Variants in ATRNL1 observed in about 807,000 individuals in gnomAD.
ATRNL1 encodes the protein attractin like 1, also known as attractin-like protein 1.
In ATRNL1, 95 loss-of-function variants were observed where a neutral mutation model predicts 182.7. That is an observed-to-expected ratio of 0.52 (90% CI 0.44 to 0.62). The LOEUF is 0.62. Among genes scored for constraint, ATRNL1 ranks in the 20% least tolerant of loss-of-function variants. ATRNL1 has a pLI of 0.00. For synonymous variants in ATRNL1, 576 were observed against 568.3 expected, an observed-to-expected ratio of 1.01 and a Z score of -0.19; for missense variants, 1,471 against 1,679.5, an observed-to-expected ratio of 0.88 and a Z score of 2.17.
intron 19 of ATRNL1, among the ~76,000 whole-genome samples, chr10:115,371,462 G>T (rs1857391235): frequency 6.6e-6 from 1 of 152,236 alleles, no homozygotes; most frequent in South Asian, 2.1e-4. Context: ...CACACCTCTT[G>T]CATCAGCGTA....
intron 27 of ATRNL1, among the ~76,000 whole-genome samples, chr10:115,821,059 C>T (rs1950283649): frequency 6.6e-6 from 1 of 152,026 alleles, no homozygotes; most frequent in South Asian, 2.1e-4. Context: ...ATGCCTTTGC[C>T]TCTCTCTCAC....
intron 26 of ATRNL1, among the ~76,000 whole-genome samples, chr10:115,702,123 A>G (rs1190461428): frequency 2.6e-5 from 4 of 152,108 alleles, no homozygotes; most frequent in African/African-American, 9.6e-5. Flanking sequence ...ACATATGCAA[A>G]TAAATAAATG....
At chr10:115,304,616 G>C (rs1394071847) in intron 17 of ATRNL1, among the ~76,000 whole-genome samples, 1 of 152,218 alleles carries the variant, frequency 6.6e-6, no homozygotes, top group Non-Finnish European at 1.5e-5. Context: ...AGAGGCTGGA[G>C]GAGGGGGTGT....
At chr10:115,776,380 T>C (rs1949126251) in intron 27 of ATRNL1, among the ~76,000 whole-genome samples, 1 of 152,172 alleles carries the variant, frequency 6.6e-6, no homozygotes, top group African/African-American at 2.4e-5. Context: ...TTCATAATAA[T>C]GTACAGTTGC....
intron 28 of ATRNL1, among the ~76,000 whole-genome samples, chr10:115,884,625 T>A (rs972831453): frequency 2.0e-5 from 3 of 152,200 alleles, no homozygotes; most frequent in African/African-American, 7.2e-5. Flanking sequence ...CAAAAAATTC[T>A]GCCACCTGGA....
At chr10:115,218,671 C>T (rs1028468358) in intron 9 of ATRNL1, among the ~76,000 whole-genome samples, 9 of 152,162 alleles carry the variant, frequency 5.9e-5, no homozygotes, top group Non-Finnish European at 1.2e-4. Flanking sequence ...GTTTACTTGT[C>T]GCCCCCATAA....
chr10:115,300,803 C>G (rs1258030596), intron 16 of ATRNL1, among the ~76,000 whole-genome samples: 4 of 152,116 alleles, frequency 2.6e-5, no homozygotes, highest in Non-Finnish European at 2.9e-5. Flanking sequence ...TACTTTGACA[C>G]TGTTGTGCAA....
At chr10:115,174,176 A>G (rs1212996111) in intron 8 of ATRNL1, among the ~76,000 whole-genome samples, 3 of 151,414 alleles carry the variant, frequency 2.0e-5, no homozygotes, top group Admixed American at 6.6e-5. Flanking sequence ...TTGTACGTTC[A>G]TACCTAATCT....
intron 28 of ATRNL1, among the ~76,000 whole-genome samples, chr10:115,871,473 G>GCA (rs1951582187): frequency 1.3e-4 from 2 of 15,022 alleles, no homozygotes; most frequent in African/African-American, 2.9e-4. Context: ...GATTCTTTGT[G>GCA]TGTGTGTATA....
In ATRNL1 at chr10:115,723,515, GTAGA is replaced by G. The variant is rs1224680551; in HGVS notation, c.3796-3730_3796-3727del. Among the ~76,000 whole-genome samples the G allele has an allele frequency of 1.6e-4, 21 of 130,544 alleles. No homozygotes were observed. In the Admixed American group the frequency reaches 1.8e-3, roughly 11 times the overall value. 85.6% of individuals were successfully genotyped at this position (130,544 alleles called of 152,430 possible). ...CTCTACCTGGTTGTCAAATTTAAGC[GTAGA>G]TATTCTTTTCTTTTGTATTTATTTA... On this transcript the variant is annotated intron_variant, in intron 26 of 28. Coordinates refer to ENST00000355044, the MANE Select transcript of ATRNL1 (RefSeq NM_207303.4).
At chr10:115,459,263 C>G (rs1279380887) in intron 21 of ATRNL1, among the ~76,000 whole-genome samples, 2 of 152,154 alleles carry the variant, frequency 1.3e-5, no homozygotes, top group African/African-American at 4.8e-5. Flanking sequence ...AACAGAATAA[C>G]AGCAATTGTT....
chr10:115,847,816 G>C (rs1950964078), intron 27 of ATRNL1, 61 bp from the exon 28 acceptor site: 1 of 876,982 alleles, frequency 1.1e-6, no homozygotes, highest in Non-Finnish European at 1.9e-6. Context: ...TAGATAAGGT[G>C]AAAATTAAAA....
chr10:115,301,811 A>C, intron 16 of ATRNL1, 44 bp from the exon 17 acceptor site: 2 of 1,488,556 alleles, frequency 1.3e-6, no homozygotes, highest in Non-Finnish European at 1.8e-6. Flanking sequence ...TTGTGTTAAC[A>C]TGAAGTTAAA....
intron 25 of ATRNL1, among the ~76,000 whole-genome samples, chr10:115,538,139 T>C (rs1210016627): frequency 1.3e-5 from 2 of 152,242 alleles, no homozygotes; most frequent in Non-Finnish European, 2.9e-5. Context: ...TTGGTACTTA[T>C]AAATAATGCT....
intron 24 of ATRNL1, among the ~76,000 whole-genome samples, chr10:115,501,216 G>T (rs1002011410): frequency 6.6e-6 from 1 of 152,130 alleles, no homozygotes; most frequent in Non-Finnish European, 1.5e-5. Context: ...TTACAGGCGT[G>T]AGCCACTGCG....
intron 25 of ATRNL1, among the ~76,000 whole-genome samples, chr10:115,533,346 G>A (rs1382331514): frequency 4.6e-5 from 7 of 152,012 alleles, no homozygotes; most frequent in Non-Finnish European, 8.8e-5. Flanking sequence ...TGTATGTATC[G>A]AGGAATTTAT....
intron 26 of ATRNL1, among the ~76,000 whole-genome samples, chr10:115,714,294 T>C (rs1947180423): frequency 6.6e-6 from 1 of 151,302 alleles, no homozygotes; most frequent in African/African-American, 2.4e-5. Flanking sequence ...ACAGATACAT[T>C]GAAGGGTGGG....
intron 26 of ATRNL1, among the ~76,000 whole-genome samples, chr10:115,710,522 C>G (rs1158158735): frequency 2.0e-5 from 3 of 152,030 alleles, no homozygotes; most frequent in African/African-American, 7.2e-5. Flanking sequence ...TCTGGATATT[C>G]CACTGAAAGC....
chr10:115,189,682 A>T (rs1013915452), intron 8 of ATRNL1, among the ~76,000 whole-genome samples: 8 of 152,162 alleles, frequency 5.3e-5, no homozygotes, highest in Non-Finnish European at 8.8e-5. Flanking sequence ...AAAAGTTAAA[A>T]AATTAAAAAG....
Sources: allele counts gnomAD v4.1 joint callset (sites outside exome capture counted in the v4.1 genomes callset), GRCh38; gene constraint gnomAD v4.1.1; transcripts MANE v1.5; gene names NCBI Gene and HGNC (gene_info 2026-07-23, HGNC 2026-07-21).